Variants in AQP2 observed in about 807,000 individuals in gnomAD.
AQP2 encodes the protein aquaporin-2.
A neutral mutation model predicts 21.6 loss-of-function variants in AQP2; 20 were observed. The ratio of observed to expected loss-of-function variants is 0.92; its 90% CI spans 0.65 to 1.34. The LOEUF (loss-of-function observed/expected upper bound fraction) is 1.34, where lower values mean the gene tolerates loss of function less well. Ranked by LOEUF, AQP2 falls within the 40% of genes most tolerant of loss-of-function variation. The pLI, the probability that AQP2 is intolerant of heterozygous loss-of-function variation, is 0.00. For missense variants in AQP2, 325 were observed against 363.4 expected (o/e 0.89, Z 0.86); for synonymous variants, 168 against 166.9 (o/e 1.01, Z -0.05).
intron 1 of AQP2, 87 bp from the exon 2 acceptor site, chr12:49,954,068 G>A: frequency 6.4e-7 from 1 of 1,564,144 alleles, no homozygotes; most frequent in Non-Finnish European, 8.7e-7. Context: ...AGGCCCCCTG[G>A]TGCCTCGACT....
rs1476013005 is a variant in AQP2, at chr12:49,958,037, G to A, written c.*2429G>A. The A allele has an allele frequency of 2.6e-5, 4 of 152,238 alleles. No homozygotes were observed. Among genetic ancestry groups the A allele is most frequent in the African/African-American group, 9.7e-5 (4 of 41,450 alleles). 9.4% of individuals were successfully genotyped at this position (152,238 alleles called of 1,614,324 possible). ...CAAGTGATGGAACTCCAGGGGTGGA[G>A]GGAAATTGGCAGTTCCTGGCATCTC... On this transcript the variant is annotated 3_prime_UTR_variant, in exon 4 of 4. Transcript: ENST00000199280.
rs1947372057 is a variant in AQP2, at chr12:49,956,548, C to G, written c.*940C>G. On this transcript the variant is annotated 3_prime_UTR_variant, in exon 4 of 4. Coordinates refer to ENST00000199280, the MANE Select transcript of AQP2 (RefSeq NM_000486.6). ...CCCGTCTCCAGGGGTGCCCCAGACC[C>G]AGAGATTAGCCTCCCACTTCGGCGC... 1 of 152,214 alleles carries G rather than the reference C, an allele frequency of 6.6e-6. No homozygotes were observed. The highest frequency in any genetic ancestry group is 1.5e-5 in the Non-Finnish European group (1 of 68,046). 9.4% of individuals were successfully genotyped at this position (152,214 alleles called of 1,614,324 possible).
rs372883230 is a variant in AQP2, at chr12:49,950,841, T to C, written c.11T>C (p.Leu4Pro). The C allele has an allele frequency of 3.1e-6, 5 of 1,611,938 alleles. No homozygotes were observed. The South Asian group carries it at 3.3e-5, about 11-fold the overall frequency. The change falls in exon 1 of 4, where the codon CTC (leucine) becomes CCC (proline). Residue 4 changes from leucine (L) to proline (P), a missense_variant. Coordinates refer to ENST00000199280, the MANE Select transcript of AQP2 (RefSeq NM_000486.6). ...GCAGGGCTCTGCAGCATGTGGGAGC[T>C]CCGCTCCATAGCCTTCTCCAGGGCT... Reference protein sequence around the residue: MWELRSIAFSRAVF... With the variant: MWEPRSIAFSRAVF...
In AQP2 at chr12:49,951,136, T is replaced by A. The variant is rs1947326330; in HGVS notation, c.306T>A (p.Ala102=). The A allele has an allele frequency of 6.2e-7, 1 of 1,607,194 alleles. No homozygotes were observed. The highest frequency in any genetic ancestry group is 1.3e-5 in the African/African-American group (1 of 74,834). Residue 102 remains alanine (A), a synonymous_variant, in exon 1 of 4, where the codon GCT becomes GCA. Transcript: ENST00000199280. ...AQLLGAVAGA[A]LLHEITPADI... ...TGCTGGGGGCTGTGGCCGGAGCCGCTCTGCTCCATGAGATCACGCCAGCAG... is the reference window on the plus strand; with the variant it reads ...TGCTGGGGGCTGTGGCCGGAGCCGCACTGCTCCATGAGATCACGCCAGCAG...
chr12:49,954,428 G>A, intron 2 of AQP2, 109 bp downstream of exon 2: 1 of 1,338,650 alleles, frequency 7.5e-7, no homozygotes, highest in South Asian at 1.2e-5. Flanking sequence ...ACTCTCAAGA[G>A]GAACAGACAC....
chr12:49,950,939 GC>G lies in AQP2; in HGVS notation c.112del (p.Leu38CysfsTer25). ...GLGSALNWPQALPSVLQIAMA... is the reference protein window; with the variant it reads ...GLGSALNWPQXLPSVLQIAMA... ...CGGCTCTGCCCTCAACTGGCCACAGGCCCTGCCCTCTGTGCTACAGATTGCC... is the reference window on the plus strand; with the variant it reads ...CGGCTCTGCCCTCAACTGGCCACAGGCCTGCCCTCTGTGCTACAGATTGCC... On this transcript the variant is annotated frameshift_variant, in exon 1 of 4. Coordinates refer to ENST00000199280, the MANE Select transcript of AQP2 (RefSeq NM_000486.6). LOFTEE classifies it high-confidence loss of function. 6.2e-7 allele frequency: 1 copy of G among 1,614,238 alleles called. No homozygotes were observed. Among genetic ancestry groups the G allele is most frequent in the Non-Finnish European group, 8.5e-7 (1 of 1,180,044 alleles).
In AQP2 at chr12:49,957,165, T is replaced by A. The variant is rs1292866693; in HGVS notation, c.*1557T>A. ...CTGATGCTCAACATCCCTTACCTCC[T>A]TTCGTTGATGGCCAAAGCAAAGGAG... On this transcript the variant is annotated 3_prime_UTR_variant, in exon 4 of 4. Coordinates refer to ENST00000199280, the MANE Select transcript of AQP2 (RefSeq NM_000486.6). The A allele has an allele frequency of 6.6e-6, 1 of 152,426 alleles. No homozygotes were observed. The highest frequency in any genetic ancestry group is 1.5e-5 in the Non-Finnish European group (1 of 68,044). 9.4% of individuals were successfully genotyped at this position (152,426 alleles called of 1,614,324 possible). A position where few individuals can be genotyped will look rare whatever the true frequency, so the allele number is the denominator to read the frequency against.
rs1433972639 is a variant in AQP2 at position 49,951,095 on chromosome 12, T to A, written c.265T>A (p.Tyr89Asn). 1.9e-6 allele frequency: 3 copies of A among 1,609,630 alleles called. No homozygotes were observed. The highest frequency in any genetic ancestry group is 2.7e-5 in the African/African-American group (2 of 74,896). ...CGTCTCCGTTCTCCGAGCCGCCTTC[T>A]ACGTGGCTGCCCAGCTGCTGGGGGC... is the stretch of plus-strand genomic sequence containing the variant. ...CHVSVLRAAFYVAAQLLGAVA... is the reference protein window; with the variant it reads ...CHVSVLRAAFNVAAQLLGAVA... Residue 89 changes from tyrosine (Y) to asparagine (N), a missense_variant, in exon 1 of 4, where the codon TAC becomes AAC. By Grantham distance (143) the Tyr-to-Asn change is moderately radical (BLOSUM62 -2). Transcript: ENST00000199280.
chr12:49,951,249 G>A lies in AQP2; in HGVS notation c.360+59G>A. On this transcript the variant is annotated intron_variant, in intron 1 of 3. Coordinates refer to ENST00000199280, the MANE Select transcript of AQP2 (RefSeq NM_000486.6). The stretch of plus-strand genomic sequence containing the variant: ...CAGGTCCTGGGGAATCCCTTGTAAA[G>A]GATGAGATGGGAGGGATGGGCTCTG... 3 of 1,537,016 alleles carry A rather than the reference G, an allele frequency of 2.0e-6. No homozygotes were observed. The East Asian group carries it at 6.9e-5, about 35-fold the overall frequency.
chr12:49,952,904 G>T (rs1488382655), intron 1 of AQP2, among the ~76,000 whole-genome samples: 2 of 152,198 alleles, frequency 1.3e-5, no homozygotes, highest in East Asian at 3.8e-4. Flanking sequence ...CCCTGTGCCA[G>T]GCCAGCTATC....
In AQP2 at chr12:49,954,683, C is replaced by G; in HGVS notation, c.579C>G (p.Val193=). 6.2e-7 allele frequency: 1 copy of G among 1,614,206 alleles called. No individual in the cohort carries two copies. Among genetic ancestry groups the G allele is most frequent in the Non-Finnish European group, 8.5e-7 (1 of 1,180,032 alleles). Residue 193 remains valine (V), a synonymous_variant, in exon 3 of 4, where the codon GTC becomes GTG. Transcript: ENST00000199280. ...CTGCCCGCTCCCTGGCTCCAGCTGT[C>G]GTCACTGGCAAATTTGATGACCACT... The part of the protein sequence containing the change: ...MNPARSLAPA[V]VTGKFDDHWV...
At chr12:49,953,216 G>A (rs1947341952) in intron 1 of AQP2, among the ~76,000 whole-genome samples, 1 of 152,224 alleles carries the variant, frequency 6.6e-6, no homozygotes, top group South Asian at 2.1e-4. Context: ...AGACCCTAGA[G>A]AGACCCAAGG....
At position 49,951,316 on chromosome 12, in the gene AQP2, G is replaced by GACAGAGGCAGAGAGAGAA; in HGVS notation, c.360+126_360+127insACAGAGGCAGAGAGAGAA. ...AGATGGAGACAGAGGCAGAGAGAGA[G>GACAGAGGCAGAGAGAGAA]GCTGGAGCCAGGAACACAGCCACCA... is the stretch of plus-strand genomic sequence containing the variant. On this transcript the variant is annotated intron_variant, in intron 1 of 3. Coordinates refer to ENST00000199280, the MANE Select transcript of AQP2 (RefSeq NM_000486.6). 5.1e-6 allele frequency: 7 copies of GACAGAGGCAGAGAGAGAA among 1,359,540 alleles called. No homozygotes were observed. The South Asian group carries it at 1.1e-4, about 21-fold the overall frequency. The allele number at this position is 1,359,540 out of a possible 1,614,324, so 84.2% of individuals were successfully genotyped here. A position where few individuals can be genotyped will look rare whatever the true frequency, so the allele number is the denominator to read the frequency against.
At chr12:49,952,830 G>A (rs1335593065) in intron 1 of AQP2, among the ~76,000 whole-genome samples, 4 of 152,190 alleles carry the variant, frequency 2.6e-5, no homozygotes, top group African/African-American at 9.7e-5. Flanking sequence ...ACAATCCCAA[G>A]TGTCCTTTGA....
chr12:49,951,630 C>T (rs1947330927), intron 1 of AQP2: 1 of 170,344 alleles, frequency 5.9e-6, no homozygotes, highest in Non-Finnish European at 1.3e-5. Flanking sequence ...GGTCCCGTGG[C>T]AGGTGCTCCT....
At chr12:49,955,372 C>G in intron 3 of AQP2, 27 bp from the exon 4 acceptor site, 1 of 1,605,920 alleles carries the variant, frequency 6.2e-7, no homozygotes, top group Non-Finnish European at 8.5e-7. Flanking sequence ...GCGCGGGTGC[C>G]AAGCCGCCCT....
In AQP2 at chr12:49,955,673, C is replaced by T. The variant is rs1262311882; in HGVS notation, c.*65C>T. 2.1e-5 allele frequency: 31 copies of T among 1,507,292 alleles called. No individual in the cohort carries two copies. The highest frequency in any genetic ancestry group is 2.7e-5 in the Non-Finnish European group (30 of 1,123,104). The allele number at this position is 1,507,292 out of a possible 1,614,324, so 93.4% of individuals were successfully genotyped here. A position where few individuals can be genotyped will look rare whatever the true frequency, so the allele number is the denominator to read the frequency against. ...GAGGCCCGAGGCAGAAGGGCCCACC[C>T]CGTCCCTCCTCTCCCGCAGGTCTGA... is the stretch of plus-strand genomic sequence containing the variant. On this transcript the variant is annotated 3_prime_UTR_variant, in exon 4 of 4. Coordinates refer to ENST00000199280, the MANE Select transcript of AQP2 (RefSeq NM_000486.6).
In AQP2 at chr12:49,957,855, C is replaced by G. The variant is rs1660471310; in HGVS notation, c.*2247C>G. ...GTGTCTCAGGCACCTCATCCCCACC[C>G]CACCTCACCCCAACAAACTCCTCTA... is the stretch of plus-strand genomic sequence containing the variant. On this transcript the variant is annotated 3_prime_UTR_variant, in exon 4 of 4. Coordinates refer to ENST00000199280, the MANE Select transcript of AQP2 (RefSeq NM_000486.6). The G allele has an allele frequency of 6.6e-6, 1 of 152,116 alleles. No homozygotes were observed. The highest frequency in any genetic ancestry group is 2.4e-5 in the African/African-American group (1 of 41,434). The allele number at this position is 152,116 out of a possible 1,614,324, so 9.4% of individuals were successfully genotyped here. A position where few individuals can be genotyped will look rare whatever the true frequency, so the allele number is the denominator to read the frequency against.
chr12:49,951,058 G>A lies in AQP2; in HGVS notation c.228G>A (p.Leu76=). ...HINPAVTVAC[L]VGCHVSVLRA... The stretch of plus-strand genomic sequence containing the variant: ...ACCCTGCCGTGACTGTGGCCTGCCT[G>A]GTGGGCTGCCACGTCTCCGTTCTCC... Residue 76 remains leucine (L), a synonymous_variant, in exon 1 of 4, where the codon CTG becomes CTA. Transcript: ENST00000199280. The A allele has an allele frequency of 2.5e-6, 4 of 1,613,002 alleles. No homozygotes were observed. Among genetic ancestry groups the A allele is most frequent in the Non-Finnish European group, 3.4e-6 (4 of 1,179,322 alleles).
Sources: allele counts gnomAD v4.1 joint callset (sites outside exome capture counted in the v4.1 genomes callset), GRCh38; gene constraint gnomAD v4.1.1; transcripts MANE v1.5; gene names NCBI Gene and HGNC (gene_info 2026-07-23, HGNC 2026-07-21).